HEATR4: variants seen among roughly 807,000 people sequenced by gnomAD.
HEATR4 encodes HEAT repeat-containing protein 4.
A neutral mutation model predicts 108.8 loss-of-function variants in HEATR4; 95 were observed. That is an observed-to-expected ratio of 0.87 (90% CI 0.74 to 1.04). The LOEUF is 1.04. Among genes scored for constraint, HEATR4 ranks in the 50% least tolerant of loss-of-function variants. HEATR4 has a pLI of 0.00. For synonymous variants in HEATR4, 443 were observed against 459.4 expected (o/e 0.96, Z 0.46); for missense variants, 1,152 against 1,253.8 (o/e 0.92, Z 1.23).
intron 11 of HEATR4, among the ~76,000 whole-genome samples, chr14:73,502,363 T>C (rs760042766): frequency 2.8e-4 from 43 of 152,178 alleles, no homozygotes; most frequent in Non-Finnish European, 5.1e-4. Flanking sequence ...GTCATCAGAA[T>C]TGCGTCATAC....
At chr14:73,503,685 G>GC (rs1566827926) in intron 10 of HEATR4, among the ~76,000 whole-genome samples, 1 of 152,044 alleles carries the variant, frequency 6.6e-6, no homozygotes, top group African/African-American at 2.4e-5. Context: ...AGTCTTCTTT[G>GC]CCCCTTGTAA....
chr14:73,543,781 A>C, intron 1 of HEATR4: 2 of 635,002 alleles, frequency 3.1e-6, no homozygotes, highest in Non-Finnish European at 4.4e-6. Context: ...CATTATTAAA[A>C]TGAATTTACC....
At chr14:73,574,849 C>T in the HEATR4 span, 62 of 1,612,032 alleles carry the variant, frequency 3.8e-5, no homozygotes, top group Admixed American at 1.0e-3. Flanking sequence ...GGACACAACT[C>T]ACCATATTCC....
At chr14:73,556,946 CT>C (rs1452535584) in intron 1 of HEATR4, among the ~76,000 whole-genome samples, 2 of 112,946 alleles carry the variant, frequency 1.8e-5, no homozygotes, top group Non-Finnish European at 3.9e-5. Flanking sequence ...AAAGAAAGGA[CT>C]TATTAATGGA....
At chr14:73,559,236 C>G (rs1209047703), upstream of HEATR4, among the ~76,000 whole-genome samples, 1 of 151,738 alleles carries the variant, frequency 6.6e-6, no homozygotes, top group Non-Finnish European at 1.5e-5. Context: ...CAGGTTCAAG[C>G]AATTCTCCTG....
At chr14:73,480,307 C>T (rs548018915) in intron 17 of HEATR4, among the ~76,000 whole-genome samples, 2 of 151,896 alleles carry the variant, frequency 1.3e-5, no homozygotes, top group Non-Finnish European at 1.5e-5. Context: ...CCAGGCATGG[C>T]GCAGATGCCT....
chr14:73,553,404 G>C lies in HEATR4; in HGVS notation c.-152+5347C>G. On this transcript the variant is annotated intron_variant, in intron 1 of 17. Coordinates refer to ENST00000553558, the MANE Select transcript of HEATR4 (RefSeq NM_001220484.1). ...CACTCGCCTGTAATCCCAGCTACGG[G>C]GGAGGCTGAGGCAGGAGAATCACTT... 1.8e-5 allele frequency among the ~76,000 whole-genome samples: 2 copies of C among 112,268 alleles called. 1 individual carries two copies. Among genetic ancestry groups the C allele is most frequent in the Admixed American group, 2.0e-4 (2 of 9,896 alleles). The allele number at this position is 112,268 out of a possible 152,430, so 73.7% of individuals were successfully genotyped here.
At chr14:73,591,642 T>C in the HEATR4 span, 1 of 309,784 alleles carries the variant, frequency 3.2e-6, no homozygotes, top group African/African-American at 2.1e-5. Context: ...AAATTGATCA[T>C]CCAACAACTT....
At chr14:73,602,060 C>A in the HEATR4 span, among the ~76,000 whole-genome samples, 1 of 152,072 alleles carries the variant, frequency 6.6e-6, no homozygotes, top group Non-Finnish European at 1.5e-5. Context: ...CCTGCCTCAG[C>A]CTCCTAAGTA....
At chr14:73,623,398 C>T in the HEATR4 span, among the ~76,000 whole-genome samples, 1 of 152,122 alleles carries the variant, frequency 6.6e-6, no homozygotes, top group Admixed American at 6.6e-5. Context: ...GAAACTTGAT[C>T]CCCAGGTGGG....
At chr14:73,612,654 C>G in the HEATR4 span, 13 of 1,408,364 alleles carry the variant, frequency 9.2e-6, no homozygotes, top group Non-Finnish European at 1.0e-5. Context: ...GGCCTGGCCC[C>G]GGAGCAGCCA....
intron 17 of HEATR4, among the ~76,000 whole-genome samples, chr14:73,484,628 C>T (rs1220800945): frequency 6.6e-6 from 1 of 152,062 alleles, no homozygotes; most frequent in African/African-American, 2.4e-5. Context: ...GATCCTCCCG[C>T]CTCAGCCTCC....
chr14:73,549,629 G>A (rs1431313545), intron 1 of HEATR4, among the ~76,000 whole-genome samples: 1 of 88,462 alleles, frequency 1.1e-5, no homozygotes, highest in Admixed American at 1.3e-4. Flanking sequence ...TTTTTTTGGT[G>A]GTGGACAGTC....
At chr14:73,631,625 G>A in the HEATR4 span, 1 of 163,136 alleles carries the variant, frequency 6.1e-6, no homozygotes. Context: ...ACGGGTCGCT[G>A]CCACCAAGAA....
chr14:73,502,777 G>T, intron 11 of HEATR4, 118 bp downstream of exon 11: 1 of 739,064 alleles, frequency 1.4e-6, no homozygotes, highest in South Asian at 1.5e-5. Context: ...TCGATCTCCT[G>T]ACCTCGTGAT....
chr14:73,511,650 G>A (rs1887277929), intron 7 of HEATR4, among the ~76,000 whole-genome samples: 1 of 152,144 alleles, frequency 6.6e-6, no homozygotes, highest in Admixed American at 6.5e-5. Flanking sequence ...TAAGGTGGGA[G>A]GATTACTTGA....
At chr14:73,498,797 G>A (rs1181472016) in intron 13 of HEATR4, among the ~76,000 whole-genome samples, 1 of 152,202 alleles carries the variant, frequency 6.6e-6, no homozygotes. Flanking sequence ...ATCCAGCACT[G>A]GATACCTACT....
At chr14:73,619,611 G>A in the HEATR4 span, 264 of 1,614,196 alleles carry the variant, frequency 1.6e-4, no homozygotes, top group Middle Eastern at 2.5e-3. Flanking sequence ...AAGCTCATGG[G>A]AAAGAAAGAC....
the HEATR4 span, among the ~76,000 whole-genome samples, chr14:73,605,260 GA>G: frequency 2.3e-3 from 343 of 152,068 alleles, 1 homozygote; most frequent in African/African-American, 8.0e-3. Flanking sequence ...CTTATTACCC[GA>G]CTCTAGCCAT....
Sources: gnomAD v4.1 joint callset for allele counts (sites outside exome capture counted in the v4.1 genomes callset) on GRCh38, gnomAD v4.1.1 for gene constraint, MANE v1.5 for transcripts, NCBI Gene and HGNC (gene_info 2026-07-23, HGNC 2026-07-21) for gene names.